COP1: variants seen among roughly 807,000 people sequenced by gnomAD.
The protein encoded by COP1 is E3 ubiquitin-protein ligase COP1.
A neutral mutation model predicts 101.3 loss-of-function variants in COP1; 24 were observed. That is an observed-to-expected ratio of 0.24 (90% CI 0.17 to 0.33). COP1 has a LOEUF of 0.33. COP1 is among the 10% of genes least tolerant of loss of function. The probability of loss-of-function intolerance (pLI) is 1.00; values close to 1 mark genes in which losing one functional copy is unlikely to be tolerated. For missense variants in COP1, 663 were observed against 906.2 expected (o/e 0.73, Z 3.45); for synonymous variants, 347 against 341.9 (o/e 1.01, Z -0.17).
At chr1:176,052,389 G>A (rs1003906401) in intron 11 of COP1, among the ~76,000 whole-genome samples, 6 of 152,114 alleles carry the variant, frequency 3.9e-5, no homozygotes, top group Non-Finnish European at 8.8e-5. Context: ...GAAATTCACA[G>A]AAGTATATAT....
intron 9 of COP1, among the ~76,000 whole-genome samples, chr1:176,107,470 T>G (rs994602014): frequency 3.3e-5 from 5 of 152,098 alleles, no homozygotes; most frequent in African/African-American, 1.2e-4. Flanking sequence ...GAAGTCAGTA[T>G]GAAGGAGCTC....
At chr1:176,032,575 A>C (rs1035577955) in intron 14 of COP1, among the ~76,000 whole-genome samples, 1 of 152,098 alleles carries the variant, frequency 6.6e-6, no homozygotes, top group Non-Finnish European at 1.5e-5. Context: ...CTAGGACTCT[A>C]GACTATTAAA....
At chr1:176,085,944 C>T in intron 9 of COP1, 54 bp from the exon 10 acceptor site, 2 of 925,296 alleles carry the variant, frequency 2.2e-6, no homozygotes, top group South Asian at 1.8e-5. Context: ...TCTTCTTTTG[C>T]ACAGAATACT....
intron 15 of COP1, among the ~76,000 whole-genome samples, chr1:176,022,623 G>A (rs1411767711): frequency 6.6e-6 from 1 of 152,158 alleles, no homozygotes; most frequent in Admixed American, 6.5e-5. Flanking sequence ...TTTTCTAGTT[G>A]TAAAGTTTTT....
chr1:176,105,948 C>T (rs1684223850), intron 9 of COP1, among the ~76,000 whole-genome samples: 1 of 152,184 alleles, frequency 6.6e-6, no homozygotes, highest in African/African-American at 2.4e-5. Context: ...TACTTCTAAC[C>T]TCCAAGCTGT....
intron 4 of COP1, 46 bp from the exon 5 acceptor site, chr1:176,163,034 G>T: frequency 6.4e-7 from 1 of 1,554,646 alleles, no homozygotes; most frequent in South Asian, 1.2e-5. Context: ...TATGAAGACT[G>T]TTTTAGAGAC....
intron 15 of COP1, among the ~76,000 whole-genome samples, chr1:175,999,759 C>A (rs554037675): frequency 6.6e-6 from 1 of 152,060 alleles, no homozygotes; most frequent in Non-Finnish European, 1.5e-5. Context: ...TCTCCACATC[C>A]TCACCAGCAT....
At chr1:176,047,182 T>C (rs1411286224) in intron 11 of COP1, among the ~76,000 whole-genome samples, 1 of 152,208 alleles carries the variant, frequency 6.6e-6, no homozygotes, top group East Asian at 1.9e-4. Flanking sequence ...CTCAATATGA[T>C]TTAAGCATCT....
intron 15 of COP1, among the ~76,000 whole-genome samples, chr1:176,011,476 C>T (rs1664661920): frequency 6.6e-6 from 1 of 152,168 alleles, no homozygotes; most frequent in African/African-American, 2.4e-5. Context: ...TTCACATTCA[C>T]TAATTATGTG....
chr1:176,063,058 T>TG (rs989055809), intron 11 of COP1, among the ~76,000 whole-genome samples: 1 of 140,186 alleles, frequency 7.1e-6, no homozygotes, highest in East Asian at 2.1e-4. Context: ...TTTTTTTTTT[T>TG]TTTTTTTTTT....
chr1:176,042,021 A>T (rs1477610719), intron 14 of COP1, among the ~76,000 whole-genome samples: 1 of 152,158 alleles, frequency 6.6e-6, no homozygotes, highest in Non-Finnish European at 1.5e-5. Flanking sequence ...CTGAGGCAAA[A>T]GAATCGCTTG....
chr1:176,013,125 G>T (rs563815935), intron 15 of COP1, among the ~76,000 whole-genome samples: 38 of 152,132 alleles, frequency 2.5e-4, no homozygotes, highest in African/African-American at 8.2e-4. Flanking sequence ...CATAAATGTT[G>T]TATGTAAATA....
intron 14 of COP1, among the ~76,000 whole-genome samples, chr1:176,038,407 A>G (rs1669938338): frequency 6.6e-6 from 1 of 152,248 alleles, no homozygotes; most frequent in Non-Finnish European, 1.5e-5. Flanking sequence ...TAAAATGTAT[A>G]TGAAAAGGCA....
intron 18 of COP1, among the ~76,000 whole-genome samples, chr1:175,958,442 T>G (rs543245525): frequency 6.6e-6 from 1 of 152,058 alleles, no homozygotes; most frequent in East Asian, 1.9e-4. Context: ...CACTGAATTA[T>G]CAAAAAGAAA....
At chr1:175,966,315 A>G (rs1652033162) in intron 18 of COP1, among the ~76,000 whole-genome samples, 1 of 149,640 alleles carries the variant, frequency 6.7e-6, no homozygotes, top group Non-Finnish European at 1.5e-5. Flanking sequence ...ACACACACAC[A>G]AACACTTAAA....
In COP1 at chr1:176,013,037, T is replaced by C. The variant is rs148755887; in HGVS notation, c.1729+14535A>G. Among the ~76,000 whole-genome samples, 378 of 152,312 alleles carry C rather than the reference T, an allele frequency of 2.5e-3. 1 individual carries two copies. Among genetic ancestry groups the C allele is most frequent in the Non-Finnish European group, 3.8e-3 (258 of 68,032 alleles). On this transcript the variant is annotated intron_variant, in intron 15 of 19. Coordinates refer to ENST00000367669, the MANE Select transcript of COP1 (RefSeq NM_022457.7). ...TCATGTTTCTTTTACAAAGTGACCA[T>C]AGTATATGCTTATAACTTCCACACC...
Position 176,130,784 on chromosome 1 carries a change from A to C in COP1, c.968+4226T>G, listed in dbSNP as rs1194631773. On this transcript the variant is annotated intron_variant, in intron 8 of 19. Transcript: ENST00000367669. Reference sequence around the variant, plus strand: ...CATAAAAATGTGGAAGTATAAGAAAAAAACAATACTCACAGGATTACAGTA... The same window carrying C: ...CATAAAAATGTGGAAGTATAAGAAACAAACAATACTCACAGGATTACAGTA... Among the ~76,000 whole-genome samples the C allele has an allele frequency of 2.0e-5, 3 of 151,816 alleles. No homozygotes were observed. The East Asian group carries it at 5.8e-4, about 29-fold the overall frequency.
At chr1:176,075,770 C>T (rs982712085) in intron 11 of COP1, among the ~76,000 whole-genome samples, 2 of 151,816 alleles carry the variant, frequency 1.3e-5, no homozygotes, top group African/African-American at 4.8e-5. Context: ...TTTGGGAGGC[C>T]GAGGCAGGTG....
At chr1:175,999,895 T>C (rs1293150015) in intron 15 of COP1, among the ~76,000 whole-genome samples, 2 of 152,050 alleles carry the variant, frequency 1.3e-5, no homozygotes, top group African/African-American at 2.4e-5. Flanking sequence ...AGTTTGCCAT[T>C]TATATGTCTT....
Sources: gnomAD v4.1 joint callset for allele counts (sites outside exome capture counted in the v4.1 genomes callset) on GRCh38, gnomAD v4.1.1 for gene constraint, MANE v1.5 for transcripts, NCBI Gene and HGNC (gene_info 2026-07-23, HGNC 2026-07-21) for gene names.